LYST: variants seen among roughly 807,000 people sequenced by gnomAD.
LYST encodes the protein lysosomal-trafficking regulator.
Under a neutral mutation model 413.6 loss-of-function variants are expected in LYST, and 192 were observed. That is an observed-to-expected ratio of 0.46 (90% CI 0.41 to 0.52). The LOEUF (loss-of-function observed/expected upper bound fraction) is 0.52, where lower values mean the gene tolerates loss of function less well. Among genes scored for constraint, LYST ranks in the 20% least tolerant of loss-of-function variants. The pLI, the probability that LYST is intolerant of heterozygous loss-of-function variation, is 0.00. For missense variants in LYST, 3,815 were observed against 4,499.9 expected (o/e 0.85, Z 4.35); for synonymous variants, 1,525 against 1,567.3 (o/e 0.97, Z 0.64).
intron 3 of LYST, among the ~76,000 whole-genome samples, chr1:235,815,750 T>C (rs930313491): frequency 1.1e-4 from 17 of 152,148 alleles, no homozygotes; most frequent in Non-Finnish European, 2.1e-4. Flanking sequence ...ATTTCTACAA[T>C]GAGAATTACA....
intron 28 of LYST, among the ~76,000 whole-genome samples, chr1:235,749,365 C>T (rs1307558555): frequency 6.6e-6 from 1 of 151,926 alleles, no homozygotes; most frequent in African/African-American, 2.4e-5. Flanking sequence ...ATTTTGCAAA[C>T]TAGATTCACA....
In LYST at chr1:235,809,079, A is replaced by G. The variant is rs745683698; in HGVS notation, c.1739T>C (p.Ile580Thr). Residue 580 changes from isoleucine (I) to threonine (T), a missense_variant, in exon 5 of 53, where the codon ATT (isoleucine) becomes ACT (threonine). Ile to Thr is a moderately conservative substitution (Grantham distance 89). Coordinates refer to ENST00000389793, the MANE Select transcript of LYST (RefSeq NM_000081.4). This position sits in a 1 kb window ranked among gnomAD's most constrained non-coding sequence, Gnocchi z 4.0. ...GGGATCCATACAACAGCATATTCCA[A>G]TGTTATGAACACCCGATAGGATCTG... ...CVQILSGVHNIGICCCMDPKS... is the reference protein window; with the variant it reads ...CVQILSGVHNTGICCCMDPKS... The G allele has an allele frequency of 5.2e-5, 84 of 1,614,050 alleles. No homozygotes were observed. Among genetic ancestry groups the G allele is most frequent in the Non-Finnish European group, 6.9e-5 (82 of 1,180,010 alleles).
chr1:235,733,566 T>A lies in LYST; in HGVS notation c.8738A>T (p.Tyr2913Phe), dbSNP rs1664561231. Residue 2913 changes from tyrosine to phenylalanine, a missense_variant, in exon 34 of 53, where the codon TAT (tyrosine) becomes TTT (phenylalanine). By Grantham distance (22) the Tyr-to-Phe change is conservative. This residue lies in a region of LYST where 866 missense variants were observed against 1,156.0 expected (regional missense o/e 0.75). Coordinates refer to ENST00000389793, the MANE Select transcript of LYST (RefSeq NM_000081.4). ...KKVIQHIRGM[Y>F]KVDLSASRHW... is the part of the protein sequence containing the mutation. ...TCTGCTGGCACTCAAATCTACTTTA[T>A]ACATTCCTCTAATATGCTGGATCAC... 1 of 1,613,912 alleles carries A rather than the reference T, an allele frequency of 6.2e-7. No homozygotes were observed. The highest frequency in any genetic ancestry group is 1.3e-5 in the African/African-American group (1 of 74,926).
At chr1:235,797,913 T>G (rs1043060846) in intron 10 of LYST, among the ~76,000 whole-genome samples, 1 of 152,106 alleles carries the variant, frequency 6.6e-6, no homozygotes, top group Non-Finnish European at 1.5e-5. Context: ...AGAGAACTCT[T>G]AAACCTCAAC....
chr1:235,792,366 G>A (rs991662025), intron 11 of LYST, among the ~76,000 whole-genome samples: 2 of 151,914 alleles, frequency 1.3e-5, no homozygotes, highest in African/African-American at 4.8e-5. Flanking sequence ...CCAGGCTGGA[G>A]TGCAGTTGCA....
chr1:235,841,202 C>A (rs1340413929), intron 1 of LYST, among the ~76,000 whole-genome samples: 1 of 152,200 alleles, frequency 6.6e-6, no homozygotes, highest in African/African-American at 2.4e-5. Context: ...CTCATGGTTT[C>A]CAATACCAGA....
chr1:235,736,760 G>A (rs1196098010), intron 31 of LYST: 1 of 152,020 alleles, frequency 6.6e-6, no homozygotes, highest in African/African-American at 2.4e-5. Flanking sequence ...TGTATACTTT[G>A]CTATCTTTCT....
chr1:235,766,244 G>C lies in LYST; in HGVS notation c.5956C>G (p.Arg1986Gly). ...TTCACAAATGATCTACAAACCTCTC[G>C]GGGCATGGGTGTGAGTTGCCCCTCT... The part of the protein sequence containing the change: ...YKEGQLTPMP[R>G]EVCRSFVKII... Residue 1986 changes from arginine (R) to glycine (G), a missense_variant, in exon 21 of 53, where the codon CGA (arginine) becomes GGA (glycine). Arg to Gly is a moderately radical substitution (Grantham distance 125). Transcript: ENST00000389793. 2 of 1,612,262 alleles carry C rather than the reference G, an allele frequency of 1.2e-6. No individual in the cohort carries two copies. The highest frequency in any genetic ancestry group is 1.7e-6 in the Non-Finnish European group (2 of 1,179,228).
chr1:235,769,499 A>G (rs1047996395), intron 20 of LYST, among the ~76,000 whole-genome samples: 5 of 152,092 alleles, frequency 3.3e-5, no homozygotes, highest in African/African-American at 1.2e-4. Flanking sequence ...GATCTCATGG[A>G]GTATCTGTAC....
intron 50 of LYST, among the ~76,000 whole-genome samples, chr1:235,665,604 C>A: frequency 1.9e-5 from 2 of 105,472 alleles, no homozygotes; most frequent in South Asian, 2.7e-4. Context: ...AGAGCAGAGA[C>A]TCTATCTCAA....
intron 48 of LYST, among the ~76,000 whole-genome samples, chr1:235,680,914 T>C (rs1415085369): frequency 6.6e-6 from 1 of 152,170 alleles, no homozygotes; most frequent in Non-Finnish European, 1.5e-5. Context: ...GTGATTTTCA[T>C]ATTACAGAGA....
Position 235,677,148 on chromosome 1 carries a change from C to T in LYST, c.10981G>A (p.Val3661Ile). The change falls in exon 50 of 53, where the codon GTC becomes ATC. Residue 3661 changes from valine to isoleucine, a missense_variant. Transcript: ENST00000389793. ...VQSLAGHKSP[V>I]TAVSASETSG... The stretch of plus-strand genomic sequence containing the variant: ...GTTTCACTGGCAGAGACAGCTGTGA[C>T]AGGGCTTTTGTGTCCCGCCAGACTT... 1.2e-6 allele frequency: 2 copies of T among 1,614,026 alleles called. No homozygotes were observed. Among genetic ancestry groups the T allele is most frequent in the Non-Finnish European group, 1.7e-6 (2 of 1,179,936 alleles).
intron 50 of LYST, among the ~76,000 whole-genome samples, chr1:235,673,816 T>TA (rs1265419250): frequency 1.3e-5 from 2 of 152,196 alleles, no homozygotes; most frequent in Non-Finnish European, 2.9e-5. Flanking sequence ...GTAGTTATAA[T>TA]AAAAGTCAAG....
intron 23 of LYST, among the ~76,000 whole-genome samples, chr1:235,758,400 C>CTGGTA (rs1667246536): frequency 6.6e-6 from 1 of 152,190 alleles, no homozygotes; most frequent in Non-Finnish European, 1.5e-5. Flanking sequence ...CTGGGAAACA[C>CTGGTA]TGGTATTGCT....
intron 3 of LYST, among the ~76,000 whole-genome samples, chr1:235,822,327 A>G (rs1354790470): frequency 6.6e-6 from 1 of 152,250 alleles, no homozygotes; most frequent in Non-Finnish European, 1.5e-5. Flanking sequence ...AACAGGGGCC[A>G]TGACAACATG....
rs1658290888 is a variant in LYST at position 235,664,693 on chromosome 1, G to A, written c.11039-72C>T. 6.9e-7 allele frequency: 1 copy of A among 1,444,264 alleles called. No individual in the cohort carries two copies. Among genetic ancestry groups the A allele is most frequent in the Middle Eastern group, 1.8e-4 (1 of 5,564 alleles). The allele number at this position is 1,444,264 out of a possible 1,614,324, so 89.5% of individuals were successfully genotyped here. On this transcript the variant is annotated intron_variant, in intron 50 of 52. Coordinates refer to ENST00000389793, the MANE Select transcript of LYST (RefSeq NM_000081.4). This position sits in a 1 kb window ranked among gnomAD's most constrained non-coding sequence, Gnocchi z 4.5. ...CAGAGCCCACATTTGGCCCCAGAAG[G>A]GCAACCCTGAAGGGCAAGCTCATTT...
At chr1:235,725,947 C>T (rs1663829175) in intron 38 of LYST, among the ~76,000 whole-genome samples, 1 of 151,960 alleles carries the variant, frequency 6.6e-6, no homozygotes, top group Non-Finnish European at 1.5e-5. Flanking sequence ...AGTACAAAAT[C>T]AAGAAAAACT....
intron 44 of LYST, among the ~76,000 whole-genome samples, chr1:235,708,675 CAT>C (rs1432800312): frequency 6.6e-6 from 1 of 152,202 alleles, no homozygotes; most frequent in Admixed American, 6.5e-5. Flanking sequence ...CAACATTTCA[CAT>C]GTGTCATTAT....
At chr1:235,842,638 G>T (rs1175731203) in intron 1 of LYST, among the ~76,000 whole-genome samples, 2 of 152,128 alleles carry the variant, frequency 1.3e-5, no homozygotes, top group African/African-American at 4.8e-5. Flanking sequence ...TTTTCATTAG[G>T]TTAACTTGTC....
Sources: gnomAD v4.1 joint callset for allele counts (sites outside exome capture counted in the v4.1 genomes callset) on GRCh38, gnomAD v4.1.1 for gene constraint, gnomAD v4.1.1 regional missense constraint, Gnocchi (gnomAD v3.1) non-coding constraint, MANE v1.5 for transcripts, NCBI Gene and HGNC (gene_info 2026-07-23, HGNC 2026-07-21) for gene names.